KCNS3: variants seen among roughly 807,000 people sequenced by gnomAD.
The protein encoded by KCNS3 is delayed-rectifier potassium channel regulatory subunit KCNS3.
KCNS3 carries 13 observed loss-of-function variants against 31.0 expected under a neutral mutation model. The ratio of observed to expected loss-of-function variants is 0.42; its 90% CI spans 0.27 to 0.67. The LOEUF (loss-of-function observed/expected upper bound fraction) is 0.67. Among genes scored for constraint, KCNS3 ranks in the 30% least tolerant of loss-of-function variants. The probability of loss-of-function intolerance (pLI) is 0.25; values close to 1 mark genes in which losing one functional copy is unlikely to be tolerated. For missense variants in KCNS3, 545 were observed against 622.4 expected, an observed-to-expected ratio of 0.88 and a Z score of 1.32; for synonymous variants, 238 against 241.5, an observed-to-expected ratio of 0.99 and a Z score of 0.13.
intron 2 of KCNS3, among the ~76,000 whole-genome samples, chr2:17,927,981 G>A (rs1380114409): frequency 6.6e-6 from 1 of 152,126 alleles, no homozygotes; most frequent in African/African-American, 2.4e-5. Flanking sequence ...CAAGTTGTAG[G>A]CCAACAACCT....
chr2:17,921,913 GTGTATATATATATATATATA>G (rs1260269246), intron 2 of KCNS3, among the ~76,000 whole-genome samples: 1,272 of 34,128 alleles, frequency 0.037, 26 homozygotes, highest in Middle Eastern at 0.073. Flanking sequence ...GTGTGTGTGT[GTGTATATATATATATATATA>G]TATATATATA....
intron 1 of KCNS3, among the ~76,000 whole-genome samples, chr2:17,912,623 C>T (rs1243059746): frequency 1.3e-5 from 2 of 152,214 alleles, no homozygotes; most frequent in Admixed American, 6.5e-5. Context: ...AACACAGCTG[C>T]GTCCCTGCTG....
In KCNS3 at chr2:17,931,730, T is replaced by C. The variant is rs1662983903; in HGVS notation, c.722T>C (p.Leu241Pro). The change falls in exon 3 of 3, where the codon CTG (leucine) becomes CCG (proline). Residue 241 changes from leucine to proline, a missense_variant. Transcript: ENST00000304101. The surrounding 1 kb of genome is among the most constrained non-coding windows in gnomAD (Gnocchi z 5.4). ...TTCACCGGGGAGCTTGCCGTCCGGC[T>C]GGCTGCCGCTCCTTGTCAAAAGAAA... is the stretch of plus-strand genomic sequence containing the variant. ...AWFTGELAVR[L>P]AAAPCQKKFW... 1 of 1,613,964 alleles carries C rather than the reference T, an allele frequency of 6.2e-7. No homozygotes were observed. Among genetic ancestry groups the C allele is most frequent in the Admixed American group, 1.7e-5 (1 of 60,006 alleles).
At chr2:17,930,862 G>T in intron 2 of KCNS3, 88 bp from the exon 3 acceptor site, 1 of 762,356 alleles carries the variant, frequency 1.3e-6, no homozygotes, top group Non-Finnish European at 2.1e-6. Context: ...TTTTAATGTA[G>T]CCCATCCTCC....
intron 2 of KCNS3, among the ~76,000 whole-genome samples, chr2:17,923,311 TATTTGTCTTTTTATTATTG>T (rs1352825178): frequency 6.6e-6 from 1 of 152,156 alleles, no homozygotes; most frequent in African/African-American, 2.4e-5. Flanking sequence ...TAAAGGAGTT[TATTTGTCTTTTTATTATTG>T]AGTTGTAAGA....
intron 1 of KCNS3, among the ~76,000 whole-genome samples, chr2:17,901,476 G>A (rs1193082089): frequency 6.6e-6 from 1 of 152,204 alleles, no homozygotes; most frequent in Non-Finnish European, 1.5e-5. Context: ...CGGGTATGAA[G>A]GGAATAGAGG....
intron 1 of KCNS3, among the ~76,000 whole-genome samples, chr2:17,900,232 G>A (rs1662139939): frequency 1.3e-5 from 2 of 152,194 alleles, no homozygotes; most frequent in Admixed American, 1.3e-4. Flanking sequence ...TACCTTTGCA[G>A]AGCTCACGGT....
intron 1 of KCNS3, among the ~76,000 whole-genome samples, chr2:17,894,056 C>G (rs1000777978): frequency 6.9e-6 from 1 of 145,882 alleles, no homozygotes; most frequent in African/African-American, 2.5e-5. Flanking sequence ...CTTTTAGTTG[C>G]TTTTTACCAG....
At chr2:17,879,659 C>A (rs1674594170) in intron 1 of KCNS3, among the ~76,000 whole-genome samples, 1 of 152,196 alleles carries the variant, frequency 6.6e-6, no homozygotes, top group Non-Finnish European at 1.5e-5. Context: ...TTTCGCATTG[C>A]AGGGCTTGTC....
intron 1 of KCNS3, among the ~76,000 whole-genome samples, chr2:17,902,563 T>C (rs1662206202): frequency 6.6e-6 from 1 of 152,182 alleles, no homozygotes; most frequent in African/African-American, 2.4e-5. Flanking sequence ...TGGGATAAAG[T>C]GCTTTTTATA....
chr2:17,905,054 G>A (rs1416432477), intron 1 of KCNS3, among the ~76,000 whole-genome samples: 1 of 152,096 alleles, frequency 6.6e-6, no homozygotes, highest in Non-Finnish European at 1.5e-5. Context: ...CTTGGGCAGT[G>A]TGGCCATTTT....
chr2:17,929,399 G>T (rs1047411849), intron 2 of KCNS3, among the ~76,000 whole-genome samples: 1 of 152,206 alleles, frequency 6.6e-6, no homozygotes, highest in Admixed American at 6.5e-5. Context: ...GAGAGAGAGA[G>T]AGTGAAGGGG....
At chr2:17,927,728 T>C (rs1047081437) in intron 2 of KCNS3, among the ~76,000 whole-genome samples, 7 of 152,194 alleles carry the variant, frequency 4.6e-5, no homozygotes, top group Admixed American at 1.3e-4. Flanking sequence ...CCACCAGTTC[T>C]CTTTCTTGAC....
At chr2:17,887,997 C>T (rs548914747) in intron 1 of KCNS3, among the ~76,000 whole-genome samples, 5 of 152,016 alleles carry the variant, frequency 3.3e-5, no homozygotes, top group African/African-American at 9.7e-5. Context: ...TATTTATGTC[C>T]TTAGCCCACT....
In KCNS3 at chr2:17,928,722, C is replaced by T. The variant is rs551854742; in HGVS notation, c.-59-2228C>T. On this transcript the variant is annotated intron_variant, in intron 2 of 2. Coordinates refer to ENST00000304101, the MANE Select transcript of KCNS3 (RefSeq NM_002252.5). ...TCTCTTGCAGACAACCTTGCCTTTCCATAAACATAAGGGGAAAGAGATTCC... is the reference window on the plus strand; with the variant it reads ...TCTCTTGCAGACAACCTTGCCTTTCTATAAACATAAGGGGAAAGAGATTCC... 2.6e-5 allele frequency among the ~76,000 whole-genome samples: 4 copies of T among 151,616 alleles called. No individual in the cohort carries two copies. In the East Asian group the frequency reaches 7.8e-4, roughly 29 times the overall value.
intron 2 of KCNS3, among the ~76,000 whole-genome samples, chr2:17,919,080 G>T (rs1662655857): frequency 6.6e-6 from 1 of 152,224 alleles, no homozygotes; most frequent in Non-Finnish European, 1.5e-5. Flanking sequence ...TTTTTACAAA[G>T]AGGACAGCTT....
chr2:17,922,216 C>T (rs1032899920), intron 2 of KCNS3, among the ~76,000 whole-genome samples: 4 of 151,560 alleles, frequency 2.6e-5, no homozygotes, highest in Non-Finnish European at 5.9e-5. Context: ...TAACTCTGAT[C>T]TCTGTTATGA....
chr2:17,887,903 AT>A (rs1391690898), intron 1 of KCNS3, among the ~76,000 whole-genome samples: 3 of 151,658 alleles, frequency 2.0e-5, no homozygotes, highest in Non-Finnish European at 4.4e-5. Context: ...TGTGGTTTTT[AT>A]TTCATTTCCC....
chr2:17,917,145 A>G (rs879330430), intron 1 of KCNS3, among the ~76,000 whole-genome samples: 1 of 152,198 alleles, frequency 6.6e-6, no homozygotes, highest in Admixed American at 6.5e-5. Flanking sequence ...CACCTGTGTC[A>G]TTTCTGATCT....
Sources: allele counts gnomAD v4.1 joint callset (sites outside exome capture counted in the v4.1 genomes callset), GRCh38; gene constraint gnomAD v4.1.1; non-coding constraint Gnocchi (gnomAD v3.1); transcripts MANE v1.5; gene names NCBI Gene and HGNC (gene_info 2026-07-23, HGNC 2026-07-21).